The following THSD7A variants were observed in gnomAD, a reference collection of about 807,000 sequenced individuals.
The protein encoded by THSD7A is thrombospondin type 1 domain containing 7A.
THSD7A carries 96 observed loss-of-function variants against 231.3 expected under a neutral mutation model. The observed-to-expected ratio is 0.41, with a 90% CI of 0.35 to 0.49. THSD7A has a LOEUF of 0.49. Among genes scored for constraint, THSD7A ranks in the 20% least tolerant of loss-of-function variants. THSD7A has a pLI of 0.05. For synonymous variants in THSD7A, 940 were observed against 743.3 expected (o/e 1.26, Z -4.30); for missense variants, 2,290 against 2,070.2 (o/e 1.11, Z -2.06).
rs140474426 is a variant in THSD7A, at chr7:11,831,780, G to C, written c.167C>G (p.Pro56Arg). ...RAAAQGEAEA[P>R]TLYLWKTGPW... ...ACCAGTCTTCCACAGATAGAGGGTG[G>C]GCGCCTCCGCCTCGCCCTGCGCCGC... is the stretch of plus-strand genomic sequence containing the variant. The change falls in exon 1 of 28, where the codon CCC becomes CGC. Residue 56 changes from proline (P) to arginine (R), a missense_variant. Physicochemically the swap from Pro to Arg is moderately radical, Grantham distance 103. Coordinates refer to ENST00000423059, the MANE Select transcript of THSD7A (RefSeq NM_015204.3). This position sits in a 1 kb window ranked among gnomAD's most constrained non-coding sequence, Gnocchi z 5.0. 0.035 allele frequency: 51,362 copies of C among 1,479,162 alleles called. 1,059 individuals carry two copies. Among genetic ancestry groups the C allele is most frequent in the Admixed American group, 0.055 (2,512 of 45,934 alleles). The allele number at this position is 1,479,162 out of a possible 1,614,324, so 91.6% of individuals were successfully genotyped here.
chr7:11,386,631 T>C (rs1468533205), intron 23 of THSD7A, among the ~76,000 whole-genome samples: 1 of 152,262 alleles, frequency 6.6e-6, no homozygotes, highest in Non-Finnish European at 1.5e-5. Flanking sequence ...GATGGATAGA[T>C]TGCAAAATTT....
At chr7:11,510,477 A>G (rs1417044650) in intron 6 of THSD7A, among the ~76,000 whole-genome samples, 2 of 152,206 alleles carry the variant, frequency 1.3e-5, no homozygotes, top group African/African-American at 2.4e-5. Context: ...GCAACAAAAG[A>G]GAATTTTAGA....
rs1372064765 is a variant in THSD7A, at chr7:11,387,145, G to C, written c.4412-4529C>G. Among the ~76,000 whole-genome samples, 7 of 152,260 alleles carry C rather than the reference G, an allele frequency of 4.6e-5. No homozygotes were observed. In the East Asian group the frequency reaches 1.4e-3, roughly 29 times the overall value. ...AGTATGGTTTGAAGTCAGGTAGCAT[G>C]ATGCCTCCAGCTTTGTTCTTTTTGC... On this transcript the variant is annotated intron_variant, in intron 23 of 27. Coordinates refer to ENST00000423059, the MANE Select transcript of THSD7A (RefSeq NM_015204.3).
chr7:11,590,697 C>T lies in THSD7A; in HGVS notation c.1272-56G>A. 1 of 1,520,654 alleles carries T rather than the reference C, an allele frequency of 6.6e-7. No homozygotes were observed. 94.2% of individuals were successfully genotyped at this position (1,520,654 alleles called of 1,614,324 possible). A position where few individuals can be genotyped will look rare whatever the true frequency, so the allele number is the denominator to read the frequency against. On this transcript the variant is annotated intron_variant, in intron 3 of 27. Transcript: ENST00000423059. The surrounding 1 kb of genome is among the most constrained non-coding windows in gnomAD (Gnocchi z 4.4). ...CATAATTATTGAATGACGTGTTTCT[C>T]TACTCCTGTCATACTTTGTTTTAAC... is the stretch of plus-strand genomic sequence containing the variant.
At chr7:11,506,514 CT>C (rs778793784) in intron 6 of THSD7A, among the ~76,000 whole-genome samples, 2 of 152,182 alleles carry the variant, frequency 1.3e-5, no homozygotes, top group Middle Eastern at 3.2e-3. Flanking sequence ...CAGAATAAGC[CT>C]TTTAAAACAT....
chr7:11,421,618 C>T (rs908208303), intron 16 of THSD7A, among the ~76,000 whole-genome samples: 16 of 151,958 alleles, frequency 1.1e-4, no homozygotes, highest in Non-Finnish European at 1.6e-4. Context: ...TAAAAATTTC[C>T]ACAATTTCAT....
intron 1 of THSD7A, among the ~76,000 whole-genome samples, chr7:11,780,528 C>T (rs146073392): frequency 9.2e-4 from 140 of 152,228 alleles, no homozygotes; most frequent in Non-Finnish European, 1.5e-3. Flanking sequence ...CGACAGCCAG[C>T]TCTAACATGC....
chr7:11,520,620 A>C (rs1788224269), intron 6 of THSD7A, among the ~76,000 whole-genome samples: 1 of 152,202 alleles, frequency 6.6e-6, no homozygotes, highest in South Asian at 2.1e-4. Flanking sequence ...TTATGAGTAC[A>C]TAATATTTTT....
chr7:11,425,894 T>C (rs758533160), intron 15 of THSD7A, among the ~76,000 whole-genome samples: 3 of 151,988 alleles, frequency 2.0e-5, no homozygotes, highest in Non-Finnish European at 4.4e-5. Context: ...CCAATTTTAG[T>C]GAACTAAAAA....
chr7:11,469,899 C>G lies in THSD7A; in HGVS notation c.2348G>C (p.Cys783Ser). The change falls in exon 9 of 28, where the codon TGC becomes TCC. Residue 783 changes from cysteine (C) to serine (S), a missense_variant. Cys to Ser is a moderately radical substitution (Grantham distance 112). Coordinates refer to ENST00000423059, the MANE Select transcript of THSD7A (RefSeq NM_015204.3). Reference sequence around the variant, plus strand: ...CATACCTTCTTTACACGAAGAGGGGCATGATGTCCAGTCACTATATGGGGT... The same window carrying G: ...CATACCTTCTTTACACGAAGAGGGGGATGATGTCCAGTCACTATATGGGGT... The part of the protein sequence containing the change: ...IVTPYSDWTS[C>S]PSSCKEGDSS... 6.3e-7 allele frequency: 1 copy of G among 1,598,086 alleles called. No homozygotes were observed. The highest frequency in any genetic ancestry group is 8.5e-7 in the Non-Finnish European group (1 of 1,170,968).
At chr7:11,699,767 C>T (rs1175596009) in intron 1 of THSD7A, among the ~76,000 whole-genome samples, 2 of 151,228 alleles carry the variant, frequency 1.3e-5, no homozygotes, top group African/African-American at 4.8e-5. Flanking sequence ...TTTCCACCTA[C>T]ATAACTGAAG....
intron 1 of THSD7A, among the ~76,000 whole-genome samples, chr7:11,822,797 T>C (rs1784912265): frequency 6.6e-6 from 1 of 152,042 alleles, no homozygotes; most frequent in African/African-American, 2.4e-5. Context: ...TTCAAGTTCT[T>C]CCAATATATT....
chr7:11,422,071 A>G (rs1243466927), intron 16 of THSD7A, among the ~76,000 whole-genome samples: 1 of 152,070 alleles, frequency 6.6e-6, no homozygotes, highest in Admixed American at 6.6e-5. Context: ...ACGGTGTAGA[A>G]CCAAGTTGTA....
chr7:11,570,209 A>C (rs1341776534), intron 4 of THSD7A, among the ~76,000 whole-genome samples: 3 of 152,144 alleles, frequency 2.0e-5, no homozygotes, highest in Non-Finnish European at 2.9e-5. Flanking sequence ...AGAAAAAAGA[A>C]ACTGGAGGTC....
chr7:11,507,342 C>G (rs1787587900), intron 6 of THSD7A, among the ~76,000 whole-genome samples: 1 of 151,966 alleles, frequency 6.6e-6, no homozygotes, highest in Non-Finnish European at 1.5e-5. Context: ...CTCACCAATA[C>G]AAAGATAACT....
chr7:11,758,130 A>G (rs147182832), intron 1 of THSD7A, among the ~76,000 whole-genome samples: 1,559 of 151,564 alleles, frequency 0.01, 23 homozygotes, highest in African/African-American at 0.035. Context: ...TTGAGTAAAA[A>G]CGAAAAGTCA....
intron 6 of THSD7A, among the ~76,000 whole-genome samples, chr7:11,521,280 C>G (rs950410332): frequency 5.9e-5 from 9 of 152,022 alleles, no homozygotes; most frequent in Admixed American, 2.0e-4. Flanking sequence ...ACCTTTCATT[C>G]TCTTAGAACT....
At chr7:11,492,802 C>T (rs947266060) in intron 6 of THSD7A, among the ~76,000 whole-genome samples, 4 of 151,980 alleles carry the variant, frequency 2.6e-5, no homozygotes, top group African/African-American at 7.2e-5. Flanking sequence ...ACTTCCCACT[C>T]TATCCTCTAT....
chr7:11,545,236 C>T (rs1789329886), intron 4 of THSD7A, among the ~76,000 whole-genome samples: 1 of 151,946 alleles, frequency 6.6e-6, no homozygotes, highest in South Asian at 2.1e-4. Context: ...CTTAAAATCT[C>T]CATTTTTTCC....
Sources: allele counts gnomAD v4.1 joint callset (sites outside exome capture counted in the v4.1 genomes callset), GRCh38; gene constraint gnomAD v4.1.1; non-coding constraint Gnocchi (gnomAD v3.1); transcripts MANE v1.5; gene names NCBI Gene and HGNC (gene_info 2026-07-23, HGNC 2026-07-21).